The following PDCD6 variants were observed in gnomAD, a reference collection of about 807,000 sequenced individuals.
PDCD6 encodes programmed cell death protein 6.
Under a neutral mutation model 28.3 loss-of-function variants are expected in PDCD6, and 12 were observed. That is an observed-to-expected ratio of 0.42 (90% CI 0.27 to 0.69). The LOEUF is 0.69. PDCD6 is among the 30% of genes least tolerant of loss of function. The probability of loss-of-function intolerance (pLI) is 0.22; values close to 1 mark genes in which losing one functional copy is unlikely to be tolerated. For synonymous variants in PDCD6, 92 were observed against 108.0 expected (o/e 0.85, Z 0.92); for missense variants, 226 against 269.9 (o/e 0.84, Z 1.14).
At chr5:311,141 C>T (rs56095714) in intron 4 of PDCD6, 152 bp from the exon 5 acceptor site, 34,541 of 672,786 alleles carry the variant, frequency 0.051, 1,149 homozygotes, top group African/African-American at 0.1. Flanking sequence ...TGTCTCAGTT[C>T]TGAGTGCCTT....
rs1194597010 is a variant in PDCD6, at chr5:305,701, T to G, written c.209-901T>G. ...CACTGCACACATCGTGGAATGGTCG[T>G]ATGAAAAACAGCCCCTGGTCCACAC... On this transcript the variant is annotated intron_variant, in intron 3 of 5. Coordinates refer to ENST00000264933, the MANE Select transcript of PDCD6 (RefSeq NM_013232.4). This position sits in a 1 kb window ranked among gnomAD's most constrained non-coding sequence, Gnocchi z 4.0. 1.3e-5 allele frequency: 2 copies of G among 152,178 alleles called. No individual in the cohort carries two copies. Among genetic ancestry groups the G allele is most frequent in the Non-Finnish European group, 2.9e-5 (2 of 68,044 alleles). 9.4% of individuals were successfully genotyped at this position (152,178 alleles called of 1,614,324 possible).
chr5:280,213 C>T (rs1738480259), intron 2 of PDCD6, among the ~76,000 whole-genome samples: 1 of 152,008 alleles, frequency 6.6e-6, no homozygotes, highest in South Asian at 2.1e-4. Flanking sequence ...GGAAAGGCAC[C>T]CTAGGCAGAG....
At chr5:304,567 A>T (rs1740345169) in intron 3 of PDCD6, 1 of 157,436 alleles carries the variant, frequency 6.4e-6, no homozygotes, top group Non-Finnish European at 1.4e-5. Flanking sequence ...TATTTTTGTG[A>T]TTCCATTCTT....
intron 2 of PDCD6, among the ~76,000 whole-genome samples, chr5:302,493 G>GC (rs771327976): frequency 4.5e-5 from 4 of 88,458 alleles, no homozygotes; most frequent in East Asian, 2.9e-4. Context: ...TGCTGCTGCT[G>GC]TGTGTGTGTG....
intron 1 of PDCD6, among the ~76,000 whole-genome samples, chr5:272,039 TCTC>T (rs1402602375): frequency 1.0e-4 from 15 of 147,644 alleles, no homozygotes; most frequent in Non-Finnish European, 2.2e-4. Context: ...TCCCCCGCGG[TCTC>T]CCCCGTCCGC....
intron 2 of PDCD6, among the ~76,000 whole-genome samples, chr5:280,115 C>T (rs1218337444): frequency 1.5e-4 from 23 of 151,692 alleles, no homozygotes; most frequent in African/African-American, 3.6e-4. Flanking sequence ...CAAAAGCCAG[C>T]GGGGCGAGAG....
At chr5:287,898 G>A (rs1200454731) in intron 2 of PDCD6, among the ~76,000 whole-genome samples, 1 of 152,152 alleles carries the variant, frequency 6.6e-6, no homozygotes, top group Non-Finnish European at 1.5e-5. Context: ...GCAAGCAAAA[G>A]TTCAAGGAAC....
chr5:311,712 G>A (rs1163939194), intron 5 of PDCD6: 1 of 317,510 alleles, frequency 3.1e-6, no homozygotes, highest in African/African-American at 2.3e-5. Flanking sequence ...GTTTTGTTTT[G>A]AGACCGAGTC....
chr5:290,545 C>G (rs1336533409), intron 2 of PDCD6, among the ~76,000 whole-genome samples: 1 of 152,182 alleles, frequency 6.6e-6, no homozygotes, highest in Non-Finnish European at 1.5e-5. Context: ...TCCAACATGG[C>G]GCCTGGCACG....
intron 4 of PDCD6, chr5:309,567 G>GTCCCCGTGCACCCCAGTGATGGCCGCCA (rs1740757635): frequency 4.2e-6 from 1 of 240,696 alleles, no homozygotes; most frequent in Non-Finnish European, 8.2e-6. Flanking sequence ...AATGACCTCT[G>GTCCCCGTGCACCCCAGTGATGGCCGCCA]TCCCCGTGCA....
rs747150487 is a variant in PDCD6, at chr5:306,693, C to T, written c.300C>T (p.Arg100=). Residue 100 remains arginine, a synonymous_variant, in exon 4 of 6, where the codon CGC becomes CGT. Transcript: ENST00000264933. The stretch of plus-strand genomic sequence containing the variant: ...TCACGGACTGGCAGAACGTCTTCCG[C>T]ACGTACGACCGGGACAACTCCGGGA... The part of the protein sequence containing the change: ...KYITDWQNVF[R]TYDRDNSGMI... The T allele has an allele frequency of 6.2e-7, 1 of 1,613,932 alleles. No individual in the cohort carries two copies. The highest frequency in any genetic ancestry group is 8.5e-7 in the Non-Finnish European group (1 of 1,180,024).
At chr5:309,577 ACCC>A in intron 4 of PDCD6, 2 of 237,040 alleles carry the variant, frequency 8.4e-6, no homozygotes, top group Non-Finnish European at 1.7e-5. Flanking sequence ...GTCCCCGTGC[ACCC>A]CAGTGATGGC....
At chr5:283,880 G>A (rs530013264) in intron 2 of PDCD6, among the ~76,000 whole-genome samples, 76 of 152,070 alleles carry the variant, frequency 5.0e-4, no homozygotes, top group African/African-American at 1.6e-3. Flanking sequence ...CTGAAGACTC[G>A]GGGAGGAGCT....
intron 1 of PDCD6, among the ~76,000 whole-genome samples, chr5:272,428 G>A (rs1364930964): frequency 1.4e-5 from 2 of 147,740 alleles, no homozygotes; most frequent in African/African-American, 2.6e-5. Flanking sequence ...ATCTTGTCTT[G>A]TCTGTGAAAA....
At chr5:306,509 C>T (rs189919899) in intron 3 of PDCD6, 93 bp from the exon 4 acceptor site, 64 of 1,414,218 alleles carry the variant, frequency 4.5e-5, no homozygotes, top group African/African-American at 8.5e-5. Flanking sequence ...AGTGGGGCCC[C>T]GCCAGGCTCT....
intron 5 of PDCD6, among the ~76,000 whole-genome samples, chr5:313,464 GTTGT>G (rs1741055547): frequency 6.6e-6 from 1 of 150,730 alleles, no homozygotes; most frequent in Non-Finnish European, 1.5e-5. Flanking sequence ...TTCCTGCAGG[GTTGT>G]TTTTTTTTCT....
intron 2 of PDCD6, among the ~76,000 whole-genome samples, chr5:299,864 ATTTTTTT>A (rs1739943724): frequency 2.1e-5 from 3 of 144,674 alleles, no homozygotes; most frequent in South Asian, 2.2e-4. Context: ...TTTTTTTTTT[ATTTTTTT>A]ATCAAATACA....
chr5:301,699 G>T (rs1157649954), intron 2 of PDCD6, among the ~76,000 whole-genome samples: 155 of 66,580 alleles, frequency 2.3e-3, no homozygotes, highest in East Asian at 5.9e-3. Flanking sequence ...TGTGTGTGTG[G>T]GCCTCAGGTT....
At chr5:296,730 G>A (rs973476295) in intron 2 of PDCD6, among the ~76,000 whole-genome samples, 8 of 152,224 alleles carry the variant, frequency 5.3e-5, no homozygotes, top group African/African-American at 9.6e-5. Flanking sequence ...TGAGGAGGAC[G>A]CTCCCTTCGA....
Sources: allele counts gnomAD v4.1 joint callset (sites outside exome capture counted in the v4.1 genomes callset), GRCh38; gene constraint gnomAD v4.1.1; non-coding constraint Gnocchi (gnomAD v3.1); transcripts MANE v1.5; gene names NCBI Gene and HGNC (gene_info 2026-07-23, HGNC 2026-07-21).